QKI: variants seen among roughly 807,000 people sequenced by gnomAD.
The protein encoded by QKI is KH domain-containing RNA-binding protein QKI.
Under a neutral mutation model 39.0 loss-of-function variants are expected in QKI, and 10 were observed. That is an observed-to-expected ratio of 0.26 (90% CI 0.16 to 0.43). QKI has a LOEUF of 0.43. QKI is among the 20% of genes least tolerant of loss of function. QKI has a pLI of 1.00. For synonymous variants in QKI, 204 were observed against 155.4 expected, an observed-to-expected ratio of 1.31 and a Z score of -2.33; for missense variants, 218 against 428.0, an observed-to-expected ratio of 0.51 and a Z score of 4.33.
chr6:163,451,613 G>T (rs578221254), intron 1 of QKI, among the ~76,000 whole-genome samples: 1 of 151,474 alleles, frequency 6.6e-6, no homozygotes, highest in African/African-American at 2.5e-5. Context: ...GGGATATTTA[G>T]ATAGAAAATA....
At chr6:163,568,777 T>C in intron 7 of QKI, 2 of 984,958 alleles carry the variant, frequency 2.0e-6, no homozygotes, top group Non-Finnish European at 2.4e-6. Context: ...AGTTCTTTAC[T>C]AAAAGTAAAC....
chr6:163,464,411 A>G (rs760724764), intron 2 of QKI, among the ~76,000 whole-genome samples: 7 of 152,140 alleles, frequency 4.6e-5, no homozygotes, highest in Non-Finnish European at 1.0e-4. Flanking sequence ...GAAAAGTTCA[A>G]CAAAACAGAG....
chr6:163,531,985 A>G (rs1438776303), intron 3 of QKI, among the ~76,000 whole-genome samples: 1 of 152,240 alleles, frequency 6.6e-6, no homozygotes, highest in African/African-American at 2.4e-5. Flanking sequence ...TCCTATTTTT[A>G]TATTTTTAAC....
chr6:163,498,444 A>G (rs915388116), intron 3 of QKI, among the ~76,000 whole-genome samples: 3 of 152,172 alleles, frequency 2.0e-5, no homozygotes, highest in African/African-American at 4.8e-5. Flanking sequence ...TTATAAAAAC[A>G]GTACAAAGCT....
rs567710686 is a variant in QKI, at chr6:163,465,784, C to A, written c.285+10363C>A. Among the ~76,000 whole-genome samples, 3 of 152,004 alleles carry A rather than the reference C, an allele frequency of 2.0e-5. No individual in the cohort carries two copies. In the East Asian group the frequency reaches 5.8e-4, roughly 29 times the overall value. On this transcript the variant is annotated intron_variant, in intron 2 of 7. Coordinates refer to ENST00000361752, the MANE Select transcript of QKI (RefSeq NM_006775.3). ...GTTCTGGGATACAAAAATCAACATA[C>A]AAAAATCAGTTTTCTGTCTATACAC... is the stretch of plus-strand genomic sequence containing the variant.
intron 6 of QKI, chr6:163,563,962 T>G: frequency 7.4e-7 from 1 of 1,359,402 alleles, no homozygotes; most frequent in South Asian, 2.0e-5. Context: ...AAATCTGTTG[T>G]GTACATTTCA....
At chr6:163,438,174 C>T (rs1789458503) in intron 1 of QKI, among the ~76,000 whole-genome samples, 2 of 152,022 alleles carry the variant, frequency 1.3e-5, no homozygotes, top group African/African-American at 4.8e-5. Flanking sequence ...ATTTTTTATG[C>T]CTACAAAGTC....
intron 4 of QKI, among the ~76,000 whole-genome samples, chr6:163,556,936 A>G (rs1044594255): frequency 2.0e-5 from 3 of 152,242 alleles, no homozygotes; most frequent in African/African-American, 7.2e-5. Context: ...CCATACAAAT[A>G]CAAGGGAAAT....
At chr6:163,546,964 A>C (rs1179298178) in intron 4 of QKI, among the ~76,000 whole-genome samples, 2 of 152,118 alleles carry the variant, frequency 1.3e-5, no homozygotes, top group East Asian at 3.8e-4. Flanking sequence ...TTTAATGTAT[A>C]AATAAAATAT....
chr6:163,534,963 T>A lies in QKI; in HGVS notation c.403-19T>A. 2 of 1,577,250 alleles carry A rather than the reference T, an allele frequency of 1.3e-6. No homozygotes were observed. Among genetic ancestry groups the A allele is most frequent in the Non-Finnish European group, 1.7e-6 (2 of 1,159,942 alleles). Reference sequence around the variant, plus strand: ...TTTAAAGAGAATAATTTTAATCATGTACTCTGTAAATTTTTTAGGAGGAGC... The same window carrying A: ...TTTAAAGAGAATAATTTTAATCATGAACTCTGTAAATTTTTTAGGAGGAGC... On this transcript the variant is annotated intron_variant, in intron 3 of 7. Coordinates refer to ENST00000361752, the MANE Select transcript of QKI (RefSeq NM_006775.3).
At chr6:163,499,172 A>G (rs1005082637) in intron 3 of QKI, among the ~76,000 whole-genome samples, 7 of 152,210 alleles carry the variant, frequency 4.6e-5, no homozygotes, top group East Asian at 1.9e-4. Flanking sequence ...TCTGGGCTCA[A>G]TTACACTGGT....
At chr6:163,440,715 T>A (rs1458164773) in intron 1 of QKI, among the ~76,000 whole-genome samples, 1 of 152,228 alleles carries the variant, frequency 6.6e-6, no homozygotes, top group East Asian at 1.9e-4. Context: ...TAGTTTTTGT[T>A]CATTTAGTTT....
At chr6:163,561,666 T>G (rs940673033) in intron 4 of QKI, among the ~76,000 whole-genome samples, 1 of 152,192 alleles carries the variant, frequency 6.6e-6, no homozygotes, top group African/African-American at 2.4e-5. Flanking sequence ...AGAGAATATG[T>G]TATGTTTAGT....
chr6:163,509,427 TG>T (rs1288191709), intron 3 of QKI, among the ~76,000 whole-genome samples: 3 of 151,860 alleles, frequency 2.0e-5, no homozygotes, highest in Non-Finnish European at 4.4e-5. Flanking sequence ...CCATTTTTTT[TG>T]CTCCTTCCCC....
intron 3 of QKI, among the ~76,000 whole-genome samples, chr6:163,483,463 T>G (rs1459534994): frequency 1.3e-5 from 2 of 152,222 alleles, no homozygotes; most frequent in Non-Finnish European, 2.9e-5. Context: ...TGCTGTTGCT[T>G]TATAAACTAA....
At chr6:163,483,994 GA>G (rs879658260) in intron 3 of QKI, among the ~76,000 whole-genome samples, 1 of 152,184 alleles carries the variant, frequency 6.6e-6, no homozygotes, top group Non-Finnish European at 1.5e-5. Context: ...TAGCAGGAGT[GA>G]AAACAACATT....
intron 6 of QKI, chr6:163,565,461 T>C (rs1783306673): frequency 2.0e-6 from 2 of 986,324 alleles, no homozygotes; most frequent in South Asian, 9.4e-5. Flanking sequence ...TAAGAGGTGA[T>C]GGACCAGTTT....
intron 1 of QKI, among the ~76,000 whole-genome samples, chr6:163,448,292 C>T (rs1790299466): frequency 6.7e-6 from 1 of 149,084 alleles, no homozygotes; most frequent in Admixed American, 6.7e-5. Context: ...TACAATTTAA[C>T]CCTTGGAATA....
chr6:163,455,578 T>C (rs1790855184), intron 2 of QKI, among the ~76,000 whole-genome samples, 157 bp downstream of exon 2: 1 of 152,198 alleles, frequency 6.6e-6, no homozygotes, highest in African/African-American at 2.4e-5. Flanking sequence ...TTTAAAAAAT[T>C]TCTCTCTAAA....
Sources: allele counts gnomAD v4.1 joint callset (sites outside exome capture counted in the v4.1 genomes callset), GRCh38; gene constraint gnomAD v4.1.1; transcripts MANE v1.5; gene names NCBI Gene and HGNC (gene_info 2026-07-23, HGNC 2026-07-21).